The following FLOT1 variants were observed in gnomAD, a reference collection of about 807,000 sequenced individuals.
The protein encoded by FLOT1 is flotillin 1.
A neutral mutation model predicts 58.4 loss-of-function variants in FLOT1; 40 were observed. The ratio of observed to expected loss-of-function variants is 0.69; its 90% CI spans 0.53 to 0.89. The LOEUF is 0.89. Ranked by LOEUF, FLOT1 falls within the 40% of genes least tolerant of loss-of-function variation. The pLI is 0.00. For synonymous variants in FLOT1, 178 were observed against 204.2 expected (o/e 0.87, Z 1.09); for missense variants, 423 against 540.8 (o/e 0.78, Z 2.16).
intron 8 of FLOT1, among the ~76,000 whole-genome samples, chr6:30,731,485 CAAAAAAAAAAAAA>C (rs35667527): frequency 1.2e-5 from 1 of 83,788 alleles, no homozygotes; most frequent in African/African-American, 4.8e-5. Flanking sequence ...ACTCCATCTC[CAAAAAAAAAAAAA>C]AAAAAAAAGG....
intron 8 of FLOT1, 74 bp downstream of exon 8, chr6:30,740,084 G>T: frequency 7.2e-7 from 1 of 1,398,520 alleles, no homozygotes; most frequent in Non-Finnish European, 1.0e-6. Flanking sequence ...GAGAAATAGT[G>T]TAGTGGTGTC....
At chr6:30,740,364 G>C in intron 7 of FLOT1, 54 bp from the exon 8 acceptor site, 1 of 1,602,804 alleles carries the variant, frequency 6.2e-7, no homozygotes, top group South Asian at 1.1e-5. Context: ...GAAAGGCCAC[G>C]GTGACAGCCT....
chr6:30,730,998 C>T lies in FLOT1; in HGVS notation c.826G>A (p.Glu276Lys). ...AVQEQEIARREKELEARVRKP... is the reference protein window; with the variant it reads ...AVQEQEIARRKKELEARVRKP... ...CGCACCCGGGCCTCCAGCTCCTTCT[C>T]CCGCCGGGCGATCTCCTGCTCCTGC... Residue 276 changes from glutamate (E) to lysine (K), a missense_variant, in exon 9 of 13, where the codon GAG (glutamate) becomes AAG (lysine). Transcript: ENST00000376389. 6.2e-7 allele frequency: 1 copy of T among 1,613,832 alleles called. No individual in the cohort carries two copies. The highest frequency in any genetic ancestry group is 8.5e-7 in the Non-Finnish European group (1 of 1,180,004).
chr6:30,741,098 T>C lies in FLOT1; in HGVS notation c.354+92A>G. ...CACCCTGCCCGGCCGGGATGTATGC[T>C]CTTGGATCCACTGTCTCTCACAGAC... On this transcript the variant is annotated intron_variant, in intron 5 of 12. Coordinates refer to ENST00000376389, the MANE Select transcript of FLOT1 (RefSeq NM_005803.4). This position sits in a 1 kb window ranked among gnomAD's most constrained non-coding sequence, Gnocchi z 5.9. 1 of 1,479,266 alleles carries C rather than the reference T, an allele frequency of 6.8e-7. No individual in the cohort carries two copies. The highest frequency in any genetic ancestry group is 9.3e-7 in the Non-Finnish European group (1 of 1,073,590). 91.6% of individuals were successfully genotyped at this position (1,479,266 alleles called of 1,614,324 possible). A position where few individuals can be genotyped will look rare whatever the true frequency, so the allele number is the denominator to read the frequency against.
Position 30,730,202 on chromosome 6 carries a change from C to T in FLOT1, c.1090-16G>A, listed in dbSNP as rs1182075963. On this transcript the variant is annotated splice_polypyrimidine_tract_variant and intron_variant, in intron 11 of 12. Transcript: ENST00000376389. Reference sequence around the variant, plus strand: ...CCTCTGCCACCTGGCAGGAGAGAGACACCCACTCAGTGCCCATGATCTGAC... The same window carrying T: ...CCTCTGCCACCTGGCAGGAGAGAGATACCCACTCAGTGCCCATGATCTGAC... 1.9e-6 allele frequency: 3 copies of T among 1,612,568 alleles called. No individual in the cohort carries two copies. The highest frequency in any genetic ancestry group is 2.5e-6 in the Non-Finnish European group (3 of 1,179,682).
chr6:30,738,176 G>A lies in FLOT1; in HGVS notation c.723+1982C>T, dbSNP rs369308167. ...ATTCACCTTGAGATTTTGTTAAAAT[G>A]CAGGTTCTGATTCAGCTGGTCAGGG... On this transcript the variant is annotated intron_variant, in intron 8 of 12. Transcript: ENST00000376389. Among the ~76,000 whole-genome samples the A allele has an allele frequency of 1.4e-4, 22 of 152,296 alleles. 2 individuals are homozygous for A. Among genetic ancestry groups the A allele is most frequent in the East Asian group, 1.2e-3 (6 of 5,192 alleles).
chr6:30,742,172 G>T lies in FLOT1; in HGVS notation c.18C>A (p.Gly6=). 1 of 1,612,970 alleles carries T rather than the reference G, an allele frequency of 6.2e-7. No homozygotes were observed. Among genetic ancestry groups the T allele is most frequent in the Non-Finnish European group, 8.5e-7 (1 of 1,180,002 alleles). The change falls in exon 2 of 13, where the codon GGC becomes GGA. Residue 6 remains glycine (G), a synonymous_variant. Transcript: ENST00000376389. The surrounding 1 kb of genome is among the most constrained non-coding windows in gnomAD (Gnocchi z 5.2). MFFTC[G]PNEAMVVSGF... ...CGGAGACCACCATGGCCTCATTTGG[G>T]CCACAAGTGAAAAACATGGTTCAGG... is the stretch of plus-strand genomic sequence containing the variant.
chr6:30,740,026 G>C (rs1777853880), intron 8 of FLOT1, 132 bp downstream of exon 8: 1 of 799,276 alleles, frequency 1.3e-6, no homozygotes, highest in East Asian at 2.6e-5. Flanking sequence ...TCATATGGGG[G>C]AGTTGGTCCA....
At chr6:30,732,292 G>A (rs539710657) in intron 8 of FLOT1, among the ~76,000 whole-genome samples, 1 of 151,916 alleles carries the variant, frequency 6.6e-6, no homozygotes, top group South Asian at 2.1e-4. Flanking sequence ...CTTATTCCTT[G>A]CAGTGTGAGG....
Position 30,728,094 on chromosome 6 carries a change from G to C in FLOT1, c.*22C>G. 2 of 1,611,900 alleles carry C rather than the reference G, an allele frequency of 1.2e-6. No homozygotes were observed. The highest frequency in any genetic ancestry group is 2.7e-5 in the African/African-American group (2 of 75,016). The stretch of plus-strand genomic sequence containing the variant: ...TCAGGCAACTTCAGCTATGAGGCTG[G>C]GCATCTGTGAGGGCTGAAGGCTCAG... On this transcript the variant is annotated 3_prime_UTR_variant, in exon 13 of 13. Transcript: ENST00000376389.
In FLOT1 at chr6:30,741,796, G is replaced by T; in HGVS notation, c.115C>A (p.Gln39Lys). The change falls in exon 3 of 13, where the codon CAG becomes AAG. Residue 39 changes from glutamine to lysine, a missense_variant. Gln to Lys is a moderately conservative substitution (Grantham distance 53). Coordinates refer to ENST00000376389, the MANE Select transcript of FLOT1 (RefSeq NM_005803.4). The surrounding 1 kb of genome is among the most constrained non-coding windows in gnomAD (Gnocchi z 5.9). ...VFVLPCIQQIQRISLNTLTLN... is the reference protein window; with the variant it reads ...VFVLPCIQQIKRISLNTLTLN... ...CCTGGTTCCCTTCTTGCCTACCTCT[G>T]GATCTGTTGGATGCAGGGCAGGACA... The T allele has an allele frequency of 6.2e-7, 1 of 1,612,944 alleles. No homozygotes were observed. Among genetic ancestry groups the T allele is most frequent in the Non-Finnish European group, 8.5e-7 (1 of 1,179,932 alleles).
At position 30,741,931 on chromosome 6, in the gene FLOT1, C is replaced by A; in HGVS notation, c.44-64G>T. The stretch of plus-strand genomic sequence containing the variant: ...TGAATGTGGAAGACTGAGGAACTGG[C>A]GGGGGTGAGGGGACAGCAACCCACA... On this transcript the variant is annotated intron_variant, in intron 2 of 12. Transcript: ENST00000376389. This position sits in a 1 kb window ranked among gnomAD's most constrained non-coding sequence, Gnocchi z 5.9. 3 of 1,491,416 alleles carry A rather than the reference C, an allele frequency of 2.0e-6. No individual in the cohort carries two copies. Among genetic ancestry groups the A allele is most frequent in the Non-Finnish European group, 2.8e-6 (3 of 1,074,050 alleles). The allele number at this position is 1,491,416 out of a possible 1,614,324, so 92.4% of individuals were successfully genotyped here. A position where few individuals can be genotyped will look rare whatever the true frequency, so the allele number is the denominator to read the frequency against.
chr6:30,730,781 G>A, intron 9 of FLOT1, 54 bp from the exon 10 acceptor site: 6 of 1,610,410 alleles, frequency 3.7e-6, no homozygotes, highest in Non-Finnish European at 5.1e-6. Flanking sequence ...ACTCCCAGGA[G>A]AAAGGCCCAG....
rs1777097857 is a variant in FLOT1, at chr6:30,730,556, C to T, written c.961G>A (p.Glu321Lys). ...GCCCCTATGGCAAAGGCCTCAGCTTCCCCACGCATCTGAGGGTTAAGGATG... is the reference window on the plus strand; with the variant it reads ...GCCCCTATGGCAAAGGCCTCAGCTTTCCCACGCATCTGAGGGTTAAGGATG... ...AEAASVRMRGEAEAFAIGARA... is the reference protein window; with the variant it reads ...AEAASVRMRGKAEAFAIGARA... The change falls in exon 11 of 13, where the codon GAA becomes AAA. Residue 321 changes from glutamate to lysine, a missense_variant. Coordinates refer to ENST00000376389, the MANE Select transcript of FLOT1 (RefSeq NM_005803.4). 6.2e-7 allele frequency: 1 copy of T among 1,611,414 alleles called. No individual in the cohort carries two copies. The highest frequency in any genetic ancestry group is 8.5e-7 in the Non-Finnish European group (1 of 1,178,054).
At chr6:30,730,791 G>A in intron 9 of FLOT1, 64 bp from the exon 10 acceptor site, 2 of 1,607,880 alleles carry the variant, frequency 1.2e-6, no homozygotes, top group East Asian at 2.2e-5. Flanking sequence ...GAAAGGCCCA[G>A]TGCTGCAGAG....
Position 30,741,739 on chromosome 6 carries a change from G to T in FLOT1, c.120-35C>A, listed in dbSNP as rs777735923. 8.7e-6 allele frequency: 14 copies of T among 1,609,214 alleles called. No homozygotes were observed. Among genetic ancestry groups the T allele is most frequent in the Non-Finnish European group, 5.9e-6 (7 of 1,176,530 alleles). ...AAAGAAGGGACAGACAGTAAGAAGA[G>T]GAGGAAAAAGAGAAAACGGAGGTCC... is the stretch of plus-strand genomic sequence containing the variant. On this transcript the variant is annotated intron_variant, in intron 3 of 12. Coordinates refer to ENST00000376389, the MANE Select transcript of FLOT1 (RefSeq NM_005803.4). This position sits in a 1 kb window ranked among gnomAD's most constrained non-coding sequence, Gnocchi z 5.9.
rs1374287132 is a variant in FLOT1 at position 30,741,904 on chromosome 6, C to T, written c.44-37G>A. 1 of 1,590,966 alleles carries T rather than the reference C, an allele frequency of 6.3e-7. No individual in the cohort carries two copies. Among genetic ancestry groups the T allele is most frequent in the Non-Finnish European group, 8.6e-7 (1 of 1,161,800 alleles). On this transcript the variant is annotated intron_variant, in intron 2 of 12. Coordinates refer to ENST00000376389, the MANE Select transcript of FLOT1 (RefSeq NM_005803.4). The surrounding 1 kb of genome is among the most constrained non-coding windows in gnomAD (Gnocchi z 5.9). Reference sequence around the variant, plus strand: ...GGGGCAGTGAGGAACGGTGGCAGAGCTTGAATGTGGAAGACTGAGGAACTG... The same window carrying T: ...GGGGCAGTGAGGAACGGTGGCAGAGTTTGAATGTGGAAGACTGAGGAACTG...
Position 30,741,707 on chromosome 6 carries a change from A to G in FLOT1, c.120-3T>C, listed in dbSNP as rs1045602727. ...GGGTCAGTGTGTTGAGAGAGATCCT[A>G]GGGGAAAAAGAAGGGACAGACAGTA... On this transcript the variant is annotated splice_polypyrimidine_tract_variant and splice_region_variant and intron_variant, in intron 3 of 12. Coordinates refer to ENST00000376389, the MANE Select transcript of FLOT1 (RefSeq NM_005803.4). The surrounding 1 kb of genome is among the most constrained non-coding windows in gnomAD (Gnocchi z 5.9). 3.1e-6 allele frequency: 5 copies of G among 1,612,212 alleles called. No homozygotes were observed. The highest frequency in any genetic ancestry group is 4.2e-6 in the Non-Finnish European group (5 of 1,179,416).
chr6:30,740,143 G>C lies in FLOT1; in HGVS notation c.723+15C>G. The C allele has an allele frequency of 6.2e-7, 1 of 1,612,134 alleles. No individual in the cohort carries two copies. The stretch of plus-strand genomic sequence containing the variant: ...ATGGGGAAGGGGCAGAGAGTGGCCT[G>C]GCAGTGGCTCTGACCTGAAGCTGAT... On this transcript the variant is annotated intron_variant, in intron 8 of 12. Coordinates refer to ENST00000376389, the MANE Select transcript of FLOT1 (RefSeq NM_005803.4).
Sources: allele counts gnomAD v4.1 joint callset (sites outside exome capture counted in the v4.1 genomes callset), GRCh38; gene constraint gnomAD v4.1.1; non-coding constraint Gnocchi (gnomAD v3.1); transcripts MANE v1.5; gene names NCBI Gene and HGNC (gene_info 2026-07-23, HGNC 2026-07-21).